GPATCH2: variants seen among roughly 807,000 people sequenced by gnomAD.
GPATCH2 encodes G-patch domain containing 2.
In GPATCH2, 51 loss-of-function variants were observed where a neutral mutation model predicts 58.0. That is an observed-to-expected ratio of 0.88 (90% CI 0.70 to 1.11). The LOEUF (loss-of-function observed/expected upper bound fraction) is 1.11, where lower values mean the gene tolerates loss of function less well. Ranked by LOEUF, GPATCH2 falls within the 50% of genes most tolerant of loss-of-function variation. The pLI, the probability that GPATCH2 is intolerant of heterozygous loss-of-function variation, is 0.00. For missense variants in GPATCH2, 625 were observed against 652.2 expected (o/e 0.96, Z 0.45); for synonymous variants, 222 against 218.5 (o/e 1.02, Z -0.14).
intron 5 of GPATCH2, among the ~76,000 whole-genome samples, chr1:217,532,538 T>G (rs1192114188): frequency 6.6e-6 from 1 of 152,090 alleles, no homozygotes; most frequent in African/African-American, 2.4e-5. Context: ...GACTGACATT[T>G]TACTCTAGAG....
intron 8 of GPATCH2, among the ~76,000 whole-genome samples, chr1:217,455,445 T>C (rs1659898282): frequency 6.6e-6 from 1 of 152,178 alleles, no homozygotes; most frequent in African/African-American, 2.4e-5. Context: ...TCTGAGGCTC[T>C]ACCCCTTAGA....
chr1:217,613,549 G>A (rs530774591), intron 3 of GPATCH2, among the ~76,000 whole-genome samples: 11 of 152,100 alleles, frequency 7.2e-5, no homozygotes, highest in African/African-American at 2.4e-4. Flanking sequence ...GATTAATCCT[G>A]CTCCCTTATT....
At chr1:217,516,401 A>G (rs1035234685) in intron 5 of GPATCH2, among the ~76,000 whole-genome samples, 1 of 152,314 alleles carries the variant, frequency 6.6e-6, no homozygotes, top group Non-Finnish European at 1.5e-5. Context: ...AATTCCAAGA[A>G]ATGCAAATAC....
At chr1:217,546,072 A>C (rs1382606349) in intron 5 of GPATCH2, among the ~76,000 whole-genome samples, 2 of 152,192 alleles carry the variant, frequency 1.3e-5, no homozygotes, top group African/African-American at 4.8e-5. Flanking sequence ...TAAAATACCT[A>C]GGAATATAGC....
chr1:217,566,035 A>G (rs1666211408), intron 5 of GPATCH2, among the ~76,000 whole-genome samples: 2 of 134,590 alleles, frequency 1.5e-5, no homozygotes, highest in Admixed American at 1.7e-4. Context: ...TGGGAGGCAG[A>G]GGTTGTGGTG....
chr1:217,593,718 T>C (rs1667692339), intron 5 of GPATCH2, among the ~76,000 whole-genome samples: 1 of 152,166 alleles, frequency 6.6e-6, no homozygotes, highest in East Asian at 1.9e-4. Flanking sequence ...AATCCAAAAA[T>C]GTTCTCTAAA....
At chr1:217,622,621 G>C (rs1052271206) in intron 1 of GPATCH2, among the ~76,000 whole-genome samples, 1 of 152,212 alleles carries the variant, frequency 6.6e-6, no homozygotes, top group African/African-American at 2.4e-5. Flanking sequence ...TCGGCTCACT[G>C]CAACTTCTGC....
At chr1:217,502,984 C>T (rs1395740206) in intron 6 of GPATCH2, among the ~76,000 whole-genome samples, 1 of 152,112 alleles carries the variant, frequency 6.6e-6, no homozygotes, top group Non-Finnish European at 1.5e-5. Flanking sequence ...GTACAAATCT[C>T]CAAGTGCTTT....
Position 217,465,150 on chromosome 1 carries a change from T to A in GPATCH2, c.1278-15813A>T, listed in dbSNP as rs1014595887. ...CTAAAAGGAACAGAGGAGTGAGCCA[T>A]ATGATGGAGAACTAGAATATGAAAA... On this transcript the variant is annotated intron_variant, in intron 8 of 9. Coordinates refer to ENST00000366935, the MANE Select transcript of GPATCH2 (RefSeq NM_018040.5). Among the ~76,000 whole-genome samples the A allele has an allele frequency of 5.9e-5, 9 of 151,826 alleles. No homozygotes were observed. In the East Asian group the frequency reaches 1.7e-3, roughly 29 times the overall value.
At chr1:217,611,363 G>C (rs1341052358) in intron 3 of GPATCH2, among the ~76,000 whole-genome samples, 6 of 147,826 alleles carry the variant, frequency 4.1e-5, no homozygotes, top group African/African-American at 9.9e-5. Flanking sequence ...AATCTATAAG[G>C]AAAACTTTTT....
At chr1:217,446,971 T>C (rs746683059) in intron 9 of GPATCH2, among the ~76,000 whole-genome samples, 1 of 152,220 alleles carries the variant, frequency 6.6e-6, no homozygotes, top group Non-Finnish European at 1.5e-5. Context: ...CTTTTCCTTA[T>C]TGCTGCCACT....
Position 217,490,068 on chromosome 1 carries a change from G to A in GPATCH2, c.1277+1612C>T, listed in dbSNP as rs143366633. 6.2e-4 allele frequency among the ~76,000 whole-genome samples: 94 copies of A among 152,008 alleles called. 2 individuals carry two copies. The East Asian group carries it at 0.013, about 22-fold the overall frequency. Reference sequence around the variant, plus strand: ...GAAATACACCCTTTAAAACTTCTTCGCAAAGGTCTGTAAATATTCCTCGTT... The same window carrying A: ...GAAATACACCCTTTAAAACTTCTTCACAAAGGTCTGTAAATATTCCTCGTT... On this transcript the variant is annotated intron_variant, in intron 8 of 9. Transcript: ENST00000366935.
chr1:217,432,704 A>C (rs1481754185), intron 9 of GPATCH2, among the ~76,000 whole-genome samples: 1 of 152,222 alleles, frequency 6.6e-6, no homozygotes, highest in Non-Finnish European at 1.5e-5. Flanking sequence ...CTCCCCTTTT[A>C]GAAGAAAGTG....
intron 5 of GPATCH2, among the ~76,000 whole-genome samples, chr1:217,602,967 T>G (rs565988285): frequency 4.0e-4 from 61 of 152,234 alleles, no homozygotes; most frequent in Non-Finnish European, 6.3e-4. Context: ...AACTTCCAAA[T>G]CGTATTAATT....
intron 5 of GPATCH2, among the ~76,000 whole-genome samples, chr1:217,540,782 T>C (rs945512458): frequency 5.9e-5 from 9 of 152,176 alleles, no homozygotes; most frequent in African/African-American, 1.9e-4. Context: ...GTAATAGCCC[T>C]AGGACTACGT....
rs1393388513 is a variant in GPATCH2 at position 217,467,081 on chromosome 1, G to A, written c.1278-17744C>T. 2.0e-5 allele frequency among the ~76,000 whole-genome samples: 3 copies of A among 152,188 alleles called. 1 individual carries two copies. The highest frequency in any genetic ancestry group is 1.5e-5 in the Non-Finnish European group (1 of 68,038). ...CCAGCTACTCAGGAGGCTGAGGCAG[G>A]AGAATCGCTTTCACGAACCTGGGAG... On this transcript the variant is annotated intron_variant, in intron 8 of 9. Transcript: ENST00000366935.
At chr1:217,471,523 G>A (rs554725565) in intron 8 of GPATCH2, among the ~76,000 whole-genome samples, 1 of 152,278 alleles carries the variant, frequency 6.6e-6, no homozygotes, top group South Asian at 2.1e-4. Context: ...TGGATCTTTA[G>A]ATGGTCAAAT....
At position 217,430,011 on chromosome 1, in the gene GPATCH2, AG is replaced by A. The variant is rs1235711386; in HGVS notation, c.*1133del. ...TGTTAATAATGAAGATAATAAATAAAGATCTTCTAAACTAAAAGCAATTTAG... is the reference window on the plus strand; with the variant it reads ...TGTTAATAATGAAGATAATAAATAAAATCTTCTAAACTAAAAGCAATTTAG... On this transcript the variant is annotated 3_prime_UTR_variant, in exon 10 of 10. Coordinates refer to ENST00000366935, the MANE Select transcript of GPATCH2 (RefSeq NM_018040.5). The A allele has an allele frequency of 6.6e-6, 1 of 152,174 alleles. No homozygotes were observed. Among genetic ancestry groups the A allele is most frequent in the Non-Finnish European group, 1.5e-5 (1 of 68,020 alleles). The allele number at this position is 152,174 out of a possible 1,614,324, so 9.4% of individuals were successfully genotyped here.
At chr1:217,450,612 C>G (rs1406400322) in intron 8 of GPATCH2, among the ~76,000 whole-genome samples, 3 of 151,992 alleles carry the variant, frequency 2.0e-5, no homozygotes, top group Admixed American at 2.0e-4. Context: ...TTTTCTTTTA[C>G]CTTTTTATTG....
Sources: allele counts gnomAD v4.1 joint callset (sites outside exome capture counted in the v4.1 genomes callset), GRCh38; gene constraint gnomAD v4.1.1; transcripts MANE v1.5; gene names NCBI Gene and HGNC (gene_info 2026-07-23, HGNC 2026-07-21).